The following RBM26 variants were observed in gnomAD, a reference collection of about 807,000 sequenced individuals.
The protein encoded by RBM26 is RNA-binding protein 26.
Under a neutral mutation model 123.6 loss-of-function variants are expected in RBM26, and 30 were observed. The observed-to-expected ratio is 0.24, with a 90% CI of 0.18 to 0.33. RBM26 has a LOEUF of 0.33. Among genes scored for constraint, RBM26 ranks in the 10% least tolerant of loss-of-function variants. The probability of loss-of-function intolerance (pLI) is 1.00; values close to 1 mark genes in which losing one functional copy is unlikely to be tolerated. For synonymous variants in RBM26, 400 were observed against 404.4 expected (o/e 0.99, Z 0.13); for missense variants, 947 against 1,203.6 (o/e 0.79, Z 3.15).
At position 79,364,844 on chromosome 13, in the gene RBM26, T is replaced by C. The variant is rs565090370; in HGVS notation, c.1417+734A>G. Among the ~76,000 whole-genome samples the C allele has an allele frequency of 2.6e-5, 4 of 152,294 alleles. No homozygotes were observed. In the South Asian group the frequency reaches 8.3e-4, roughly 32 times the overall value. On this transcript the variant is annotated intron_variant, in intron 9 of 21. Coordinates refer to ENST00000438737, the MANE Select transcript of RBM26 (RefSeq NM_001366735.2). Reference sequence around the variant, plus strand: ...ACATGATATCCTTTGCTTAAAAATATACGCAAACTAATATCAAATTTTAAC... The same window carrying C: ...ACATGATATCCTTTGCTTAAAAATACACGCAAACTAATATCAAATTTTAAC...
rs189758935 is a variant in RBM26, at chr13:79,357,421, A to G, written c.1689+853T>C. Among the ~76,000 whole-genome samples the G allele has an allele frequency of 4.4e-3, 663 of 152,204 alleles. 2 individuals are homozygous for G. The highest frequency in any genetic ancestry group is 5.9e-3 in the Non-Finnish European group (403 of 67,988). On this transcript the variant is annotated intron_variant, in intron 11 of 21. Transcript: ENST00000438737. The stretch of plus-strand genomic sequence containing the variant: ...GAAAAATTCAACATACTATTTCAAC[A>G]CTTTCACCATATCACATAATATAAA...
Position 79,358,228 on chromosome 13 carries a change from C to T in RBM26, c.1689+46G>A, listed in dbSNP as rs756920777. 6 of 1,471,410 alleles carry T rather than the reference C, an allele frequency of 4.1e-6. No individual in the cohort carries two copies. In the Admixed American group the frequency reaches 1.4e-4, roughly 33 times the overall value. 91.1% of individuals were successfully genotyped at this position (1,471,410 alleles called of 1,614,324 possible). A position where few individuals can be genotyped will look rare whatever the true frequency, so the allele number is the denominator to read the frequency against. ...GGTAGTTTTCTTATTACATTAAGTT[C>T]CCTAAACAGAAAGAAGAGATAACAA... is the stretch of plus-strand genomic sequence containing the variant. On this transcript the variant is annotated intron_variant, in intron 11 of 21. Coordinates refer to ENST00000438737, the MANE Select transcript of RBM26 (RefSeq NM_001366735.2).
chr13:79,334,221 G>C lies in RBM26; in HGVS notation c.2820+123C>G, dbSNP rs912071046. 2.2e-5 allele frequency: 12 copies of C among 555,088 alleles called. No homozygotes were observed. The East Asian group carries it at 3.8e-4, about 18-fold the overall frequency. The allele number at this position is 555,088 out of a possible 1,614,324, so 34.4% of individuals were successfully genotyped here. On this transcript the variant is annotated intron_variant, in intron 20 of 21. Coordinates refer to ENST00000438737, the MANE Select transcript of RBM26 (RefSeq NM_001366735.2). ...CTTTGAGGGCATGAATTCCACTTCA[G>C]GTGTTCTACCTATTGTCAAAGCATA...
chr13:79,329,353 G>T (rs1363398268), intron 20 of RBM26, among the ~76,000 whole-genome samples: 3 of 149,136 alleles, frequency 2.0e-5, no homozygotes, highest in African/African-American at 5.0e-5. Flanking sequence ...ATATATGTAT[G>T]TTTTTTTTTC....
chr13:79,394,121 C>T lies in RBM26; in HGVS notation c.71+11583G>A, dbSNP rs182978179. On this transcript the variant is annotated intron_variant, in intron 1 of 21. Transcript: ENST00000438737. ...AGATTTGTACTTGTTCTTACCCTAC[C>T]AGCTCAAATGACCTCCAACCTTCCC... Among the ~76,000 whole-genome samples, 91 of 152,310 alleles carry T rather than the reference C, an allele frequency of 6.0e-4. No individual in the cohort carries two copies. The South Asian group carries it at 8.3e-3, about 14-fold the overall frequency.
In RBM26 at chr13:79,404,171, T is replaced by G. The variant is rs1052216737; in HGVS notation, c.71+1533A>C. Among the ~76,000 whole-genome samples the G allele has an allele frequency of 3.9e-5, 6 of 152,340 alleles. No individual in the cohort carries two copies. In the South Asian group the frequency reaches 1.2e-3, roughly 32 times the overall value. On this transcript the variant is annotated intron_variant, in intron 1 of 21. Transcript: ENST00000438737. ...ACTTCATACTTACTGTATTTATTATTATCAAAACTAGCCATCCACTTTCCT... is the reference window on the plus strand; with the variant it reads ...ACTTCATACTTACTGTATTTATTATGATCAAAACTAGCCATCCACTTTCCT...
Position 79,402,869 on chromosome 13 carries a change from A to ATTTCCCCAG in RBM26, c.71+2834_71+2835insCTGGGGAAA, listed in dbSNP as rs962619029. Among the ~76,000 whole-genome samples the ATTTCCCCAG allele has an allele frequency of 0.014, 4 of 290 alleles. No individual in the cohort carries two copies. The Admixed American group carries it at 0.15, about 11-fold the overall frequency. The allele number at this position is 290 out of a possible 152,430, so 0.2% of individuals were successfully genotyped here. A position where few individuals can be genotyped will look rare whatever the true frequency, so the allele number is the denominator to read the frequency against. ...GTCATTTCATGTCTTGTTACCTACT[A>ATTTCCCCAG]TATCTTGCACACTGCTTAGCACAGA... On this transcript the variant is annotated intron_variant, in intron 1 of 21. Coordinates refer to ENST00000438737, the MANE Select transcript of RBM26 (RefSeq NM_001366735.2).
intron 1 of RBM26, 98 bp downstream of exon 1, chr13:79,405,606 C>A: frequency 1.4e-6 from 1 of 736,400 alleles, no homozygotes; most frequent in Non-Finnish European, 2.1e-6. Context: ...TTCACCGCTT[C>A]GGCCTCCACC....
chr13:79,380,347 AG>A (rs1376904545), intron 1 of RBM26, among the ~76,000 whole-genome samples: 3 of 152,112 alleles, frequency 2.0e-5, no homozygotes, highest in Admixed American at 6.6e-5. Flanking sequence ...GACAAAGAAA[AG>A]GTTTGTATAG....
chr13:79,373,395 A>AT (rs1491518981), intron 3 of RBM26, among the ~76,000 whole-genome samples: 1 of 87,432 alleles, frequency 1.1e-5, no homozygotes, highest in Non-Finnish European at 2.0e-5. Context: ...AAATATATAT[A>AT]ATATATATTA....
chr13:79,391,493 G>A (rs1195867125), intron 1 of RBM26, among the ~76,000 whole-genome samples: 1 of 152,050 alleles, frequency 6.6e-6, no homozygotes, highest in Non-Finnish European at 1.5e-5. Flanking sequence ...GCGCCATCTA[G>A]CGTCACTGCA....
intron 11 of RBM26, among the ~76,000 whole-genome samples, chr13:79,356,320 A>C (rs1033333021): frequency 2.6e-5 from 4 of 151,326 alleles, no homozygotes; most frequent in African/African-American, 9.7e-5. Context: ...AAAGAACCGT[A>C]ATCATGCCAC....
intron 11 of RBM26, among the ~76,000 whole-genome samples, chr13:79,356,996 T>A (rs2074100611): frequency 6.6e-6 from 1 of 152,016 alleles, no homozygotes; most frequent in Non-Finnish European, 1.5e-5. Context: ...ATATTCAAGA[T>A]TAAGTAAATA....
chr13:79,374,065 T>C (rs2140153364), intron 3 of RBM26, among the ~76,000 whole-genome samples: 1 of 152,240 alleles, frequency 6.6e-6, no homozygotes, highest in Middle Eastern at 3.4e-3. Flanking sequence ...TTTGTGTTAC[T>C]GAGAACCATA....
Position 79,353,142 on chromosome 13 carries a change from A to G in RBM26, c.2058+11T>C. On this transcript the variant is annotated intron_variant, in intron 14 of 21. Coordinates refer to ENST00000438737, the MANE Select transcript of RBM26 (RefSeq NM_001366735.2). ...GAAGCCAAGACAAACACATCATGCT[A>G]TTCTTCTTACCTTTTCAGTTGCTGA... 6.4e-7 allele frequency: 1 copy of G among 1,550,604 alleles called. No homozygotes were observed. Among genetic ancestry groups the G allele is most frequent in the Non-Finnish European group, 8.8e-7 (1 of 1,136,812 alleles).
rs2076166921 is a variant in RBM26 at position 79,373,156 on chromosome 13, G to T, written c.328-1226C>A. On this transcript the variant is annotated intron_variant, in intron 3 of 21. Coordinates refer to ENST00000438737, the MANE Select transcript of RBM26 (RefSeq NM_001366735.2). The stretch of plus-strand genomic sequence containing the variant: ...ATATCTTATATATTATATATTTTAT[G>T]TATTATATATTTATATAAATTTTTA... Among the ~76,000 whole-genome samples, 4 of 1,878 alleles carry T rather than the reference G, an allele frequency of 2.1e-3. 1 individual carries two copies. Among genetic ancestry groups the T allele is most frequent in the Non-Finnish European group, 0.016 (3 of 188 alleles). 1.2% of individuals were successfully genotyped at this position (1,878 alleles called of 152,430 possible). A position where few individuals can be genotyped will look rare whatever the true frequency, so the allele number is the denominator to read the frequency against.
chr13:79,357,971 C>T (rs2074232813), intron 11 of RBM26, among the ~76,000 whole-genome samples: 2 of 151,224 alleles, frequency 1.3e-5, no homozygotes, highest in Admixed American at 1.3e-4. Context: ...CAACCTTAGC[C>T]TCCCAGATTC....
intron 12 of RBM26, 23 bp from the exon 13 acceptor site, chr13:79,354,593 A>G: frequency 6.4e-7 from 1 of 1,554,040 alleles, no homozygotes; most frequent in South Asian, 1.2e-5. Flanking sequence ...AAAAAATGTT[A>G]AACAAGTTGA....
intron 1 of RBM26, among the ~76,000 whole-genome samples, chr13:79,391,710 CACCGCACCCAGCCGA>C (rs2078009579): frequency 6.6e-6 from 1 of 152,084 alleles, no homozygotes; most frequent in African/African-American, 2.4e-5. Context: ...AGGCGTGAGC[CACCGCACCCAGCCGA>C]AGCATTTCTA....
Sources: gnomAD v4.1 joint callset for allele counts (sites outside exome capture counted in the v4.1 genomes callset) on GRCh38, gnomAD v4.1.1 for gene constraint, MANE v1.5 for transcripts, NCBI Gene and HGNC (gene_info 2026-07-23, HGNC 2026-07-21) for gene names.